Variants in DAPP1 observed in about 807,000 individuals in gnomAD.
The protein encoded by DAPP1 is dual adapter for phosphotyrosine and 3-phosphotyrosine and 3-phosphoinositide.
In DAPP1, 20 loss-of-function variants were observed where a neutral mutation model predicts 41.5. The observed-to-expected ratio is 0.48, with a 90% CI of 0.34 to 0.70. The LOEUF (loss-of-function observed/expected upper bound fraction) is 0.70, where lower values mean the gene tolerates loss of function less well. DAPP1 is among the 30% of genes least tolerant of loss of function. DAPP1 has a pLI of 0.01. For missense variants in DAPP1, 233 were observed against 333.4 expected (o/e 0.70, Z 2.35); for synonymous variants, 113 against 116.2 (o/e 0.97, Z 0.18).
intron 1 of DAPP1, among the ~76,000 whole-genome samples, chr4:99,820,343 T>C (rs1722730785): frequency 6.6e-6 from 1 of 152,256 alleles, no homozygotes; most frequent in African/African-American, 2.4e-5. Flanking sequence ...TTCCAGCAAT[T>C]CTTTGGCTTT....
At chr4:99,858,706 A>G (rs1724133086) in intron 4 of DAPP1, among the ~76,000 whole-genome samples, 1 of 152,006 alleles carries the variant, frequency 6.6e-6, no homozygotes, top group East Asian at 1.9e-4. Context: ...ATTCCTTTTT[A>G]CATTCATTGG....
intron 3 of DAPP1, among the ~76,000 whole-genome samples, chr4:99,847,751 G>T (rs959290655): frequency 1.3e-5 from 2 of 152,116 alleles, no homozygotes; most frequent in Admixed American, 6.5e-5. Context: ...GCACTAACTT[G>T]GACCTTGGAG....
At chr4:99,837,897 T>A (rs1723355551) in intron 2 of DAPP1, among the ~76,000 whole-genome samples, 1 of 151,918 alleles carries the variant, frequency 6.6e-6, no homozygotes, top group African/African-American at 2.4e-5. Context: ...TCGTCAGGCA[T>A]TAGATTAACA....
intron 1 of DAPP1, among the ~76,000 whole-genome samples, chr4:99,829,766 C>T (rs1185880037): frequency 6.6e-6 from 1 of 151,860 alleles, no homozygotes; most frequent in Non-Finnish European, 1.5e-5. Context: ...TCATTCCATT[C>T]CCCCATAGAA....
intron 3 of DAPP1, among the ~76,000 whole-genome samples, chr4:99,849,694 T>A (rs1274467810): frequency 6.6e-6 from 1 of 152,166 alleles, no homozygotes; most frequent in African/African-American, 2.4e-5. Flanking sequence ...CCTGTGAATA[T>A]ATTGTTACAT....
intron 8 of DAPP1, chr4:99,866,764 CTATT>C: frequency 1.2e-5 from 5 of 416,006 alleles, no homozygotes; most frequent in Admixed American, 4.7e-5. Context: ...TTCTTTTTTT[CTATT>C]TTTTTTTTTT....
intron 3 of DAPP1, among the ~76,000 whole-genome samples, chr4:99,846,669 C>T (rs1015008017): frequency 1.3e-5 from 2 of 152,054 alleles, no homozygotes; most frequent in Non-Finnish European, 1.5e-5. Context: ...TTGTGATGTC[C>T]TCTTCAAACT....
At chr4:99,845,481 A>AGCATGG (rs1162284674) in intron 3 of DAPP1, among the ~76,000 whole-genome samples, 1 of 152,250 alleles carries the variant, frequency 6.6e-6, no homozygotes, top group Non-Finnish European at 1.5e-5. Flanking sequence ...GCCATGGCAC[A>AGCATGG]GCATGGCCTT....
At chr4:99,842,017 C>G (rs370596159) in intron 3 of DAPP1, among the ~76,000 whole-genome samples, 11 of 152,242 alleles carry the variant, frequency 7.2e-5, no homozygotes, top group East Asian at 5.8e-4. Flanking sequence ...ATTCTGCCTA[C>G]TGGCAGATTT....
At chr4:99,859,882 G>A (rs1224298106) in intron 4 of DAPP1, among the ~76,000 whole-genome samples, 1 of 152,258 alleles carries the variant, frequency 6.6e-6, no homozygotes, top group East Asian at 1.9e-4. Context: ...CACTGCCAGT[G>A]TCCACACAGA....
At chr4:99,856,359 C>T (rs1474074212) in intron 4 of DAPP1, among the ~76,000 whole-genome samples, 2 of 152,118 alleles carry the variant, frequency 1.3e-5, no homozygotes, top group African/African-American at 2.4e-5. Flanking sequence ...GAAGGAGTGA[C>T]TCATGTCAAG....
chr4:99,824,345 C>T (rs1251064320), intron 1 of DAPP1, among the ~76,000 whole-genome samples: 3 of 152,228 alleles, frequency 2.0e-5, no homozygotes, highest in Non-Finnish European at 4.4e-5. Context: ...AGCCTCCTGA[C>T]TTAAGCCAGT....
chr4:99,866,766 ATTTTTTTTT>A (rs11315402), intron 8 of DAPP1: 5 of 372,466 alleles, frequency 1.3e-5, no homozygotes, highest in Admixed American at 5.5e-5. Context: ...CTTTTTTTCT[ATTTTTTTTT>A]TTTTTTTTTT....
chr4:99,818,495 G>T (rs1006491438), intron 1 of DAPP1, among the ~76,000 whole-genome samples: 1 of 152,204 alleles, frequency 6.6e-6, no homozygotes, highest in Non-Finnish European at 1.5e-5. Context: ...CTAGAACCCA[G>T]AGTCTATGGT....
At chr4:99,853,912 T>G (rs1330779585) in intron 4 of DAPP1, among the ~76,000 whole-genome samples, 1 of 152,210 alleles carries the variant, frequency 6.6e-6, no homozygotes, top group Non-Finnish European at 1.5e-5. Context: ...CCAAACAACT[T>G]CAAAGTAGAA....
intron 7 of DAPP1, 155 bp downstream of exon 7, chr4:99,864,010 A>G: frequency 1.8e-6 from 1 of 557,194 alleles, no homozygotes; most frequent in Non-Finnish European, 3.1e-6. Flanking sequence ...AGTGTGACAT[A>G]ACACCTCATT....
intron 2 of DAPP1, among the ~76,000 whole-genome samples, chr4:99,838,302 C>G (rs1321492616): frequency 6.6e-6 from 1 of 151,942 alleles, no homozygotes; most frequent in Non-Finnish European, 1.5e-5. Context: ...AAAAAAATGA[C>G]CAGCAGAGGT....
chr4:99,849,742 A>T lies in DAPP1; in HGVS notation c.359-3476A>T, dbSNP rs969642882. 2.5e-4 allele frequency among the ~76,000 whole-genome samples: 38 copies of T among 152,226 alleles called. 1 individual carries two copies. The highest frequency in any genetic ancestry group is 1.5e-4 in the Non-Finnish European group (10 of 68,026). The stretch of plus-strand genomic sequence containing the variant: ...TTAAGTTTGCAGATGGAATTAAGGC[A>T]GCTGATCAAATAACTTTGGGGTGGG... On this transcript the variant is annotated intron_variant, in intron 3 of 8. Coordinates refer to ENST00000512369, the MANE Select transcript of DAPP1 (RefSeq NM_014395.3).
chr4:99,859,612 T>G (rs1475564420), intron 4 of DAPP1, among the ~76,000 whole-genome samples: 1 of 152,194 alleles, frequency 6.6e-6, no homozygotes, highest in African/African-American at 2.4e-5. Flanking sequence ...CTCAGTACAC[T>G]TATGTGGTGA....
Sources: allele counts gnomAD v4.1 joint callset (sites outside exome capture counted in the v4.1 genomes callset), GRCh38; gene constraint gnomAD v4.1.1; transcripts MANE v1.5; gene names NCBI Gene and HGNC (gene_info 2026-07-23, HGNC 2026-07-21).